The following CUBN variants were observed in gnomAD, a reference collection of about 807,000 sequenced individuals.
CUBN encodes the protein cubilin.
In CUBN, 282 loss-of-function variants were observed where a neutral mutation model predicts 405.3. The observed-to-expected ratio is 0.70, with a 90% confidence interval of 0.63 to 0.77. The LOEUF is 0.77. CUBN is among the 30% of genes least tolerant of loss of function. CUBN has a pLI of 0.00. For synonymous variants in CUBN, 1,684 were observed against 1,617.0 expected (o/e 1.04, Z -0.99); for missense variants, 4,514 against 4,475.2 (o/e 1.01, Z -0.25).
At chr10:17,063,221 T>C (rs1219527441) in intron 22 of CUBN, among the ~76,000 whole-genome samples, 3 of 152,170 alleles carry the variant, frequency 2.0e-5, no homozygotes, top group Non-Finnish European at 4.4e-5. Flanking sequence ...ACAGAAGGTG[T>C]GTTGTGTCTT....
Position 17,107,874 on chromosome 10 carries a change from C to A in CUBN, c.1111+1766G>T, listed in dbSNP as rs372458236. Among the ~76,000 whole-genome samples the A allele has an allele frequency of 3.9e-5, 6 of 152,166 alleles. No homozygotes were observed. In the East Asian group the frequency reaches 7.7e-4, roughly 20 times the overall value. On this transcript the variant is annotated intron_variant, in intron 10 of 66. Transcript: ENST00000377833. ...TCAATATTAAAAAACACAAATATTT[C>A]TTTTAAATAAATAATTGCCTAGAAA...
intron 22 of CUBN, among the ~76,000 whole-genome samples, chr10:17,055,227 G>A (rs1018028241): frequency 6.6e-6 from 1 of 151,994 alleles, no homozygotes; most frequent in Non-Finnish European, 1.5e-5. Flanking sequence ...CACCTATCCA[G>A]GATAAAAACT....
intron 49 of CUBN, 104 bp from the exon 50 acceptor site, chr10:16,906,513 T>C: frequency 1.2e-6 from 1 of 842,382 alleles, no homozygotes; most frequent in Non-Finnish European, 2.0e-6. Flanking sequence ...CATTACTGCT[T>C]TGATTTGTTT....
chr10:17,047,867 C>T (rs1251734689), intron 22 of CUBN, among the ~76,000 whole-genome samples: 4 of 151,992 alleles, frequency 2.6e-5, no homozygotes, highest in African/African-American at 4.8e-5. Flanking sequence ...GAAAGTGTTA[C>T]GTTTTTCTAA....
intron 54 of CUBN, among the ~76,000 whole-genome samples, chr10:16,898,576 AC>A (rs1841262636): frequency 1.3e-5 from 2 of 152,234 alleles, no homozygotes. Flanking sequence ...CCACTGCCAC[AC>A]GAGCAGCATT....
In CUBN at chr10:16,906,215, C is replaced by A; in HGVS notation, c.7900G>T (p.Glu2634Ter). The part of the protein sequence containing the change: ...SHQDCQFDVL[E>*]FRVGDADGPL... ...AGATAGAACTCACCCACTCGAAACT[C>A]GAGGACATCAAATTGACAGTCTTGG... is the stretch of plus-strand genomic sequence containing the variant. The change falls in exon 50 of 67, where the codon GAG becomes TAG. Residue 2634 changes from glutamate to a stop codon, truncating the protein, a stop_gained. Transcript: ENST00000377833. LOFTEE classifies it high-confidence loss of function. The A allele has an allele frequency of 1.2e-6, 2 of 1,612,664 alleles. No homozygotes were observed. Among genetic ancestry groups the A allele is most frequent in the South Asian group, 2.2e-5 (2 of 91,058 alleles).
chr10:16,853,078 T>C (rs2131341660), intron 59 of CUBN, among the ~76,000 whole-genome samples: 1 of 152,272 alleles, frequency 6.6e-6, no homozygotes, highest in East Asian at 1.9e-4. Context: ...CGGTCTACCA[T>C]AAAAGAATAC....
At chr10:16,851,197 G>T in intron 60 of CUBN, 38 bp downstream of exon 60, 1 of 1,480,388 alleles carries the variant, frequency 6.8e-7, no homozygotes, top group African/African-American at 1.4e-5. Context: ...TAGAGTCTGG[G>T]ATGAATAGAC....
chr10:17,076,198 G>A (rs1835850480), intron 17 of CUBN, among the ~76,000 whole-genome samples: 1 of 152,122 alleles, frequency 6.6e-6, no homozygotes, highest in Non-Finnish European at 1.5e-5. Context: ...AAAGGCAGCT[G>A]TAGTCCAAAT....
intron 56 of CUBN, 121 bp downstream of exon 56, chr10:16,888,295 AT>A: frequency 1.2e-5 from 9 of 780,710 alleles, no homozygotes; most frequent in Non-Finnish European, 1.9e-5. Flanking sequence ...GTGAGCAGAC[AT>A]GTTAATTAAC....
Position 16,933,025 on chromosome 10 carries a change from T to A in CUBN, c.6124+62A>T, listed in dbSNP as rs61687032. On this transcript the variant is annotated intron_variant, in intron 40 of 66. Transcript: ENST00000377833. ...TGGAGGCAGTATGCAAGTCTGATGA[T>A]AATGGACTAGAACTAATTATGTGTC... The A allele has an allele frequency of 0.012, 17,958 of 1,538,734 alleles. 1,553 individuals carry two copies. The African/African-American group carries it at 0.2, about 17-fold the overall frequency.
chr10:16,914,122 G>A lies in CUBN; in HGVS notation c.7352-130C>T. ...AAAATTAGTCTCCATATTTATTTAT[G>A]TGCATGAGGATTTTAGTGAACATAT... is the stretch of plus-strand genomic sequence containing the variant. On this transcript the variant is annotated intron_variant, in intron 47 of 66. Coordinates refer to ENST00000377833, the MANE Select transcript of CUBN (RefSeq NM_001081.4). 3 of 971,338 alleles carry A rather than the reference G, an allele frequency of 3.1e-6. No individual in the cohort carries two copies. In the South Asian group the frequency reaches 4.2e-5, roughly 14 times the overall value. The allele number at this position is 971,338 out of a possible 1,614,324, so 60.2% of individuals were successfully genotyped here.
At chr10:17,026,280 T>C (rs1238956185) in intron 27 of CUBN, among the ~76,000 whole-genome samples, 1 of 152,178 alleles carries the variant, frequency 6.6e-6, no homozygotes. Flanking sequence ...CAAGTTCAGG[T>C]TACTTTAAAT....
intron 31 of CUBN, among the ~76,000 whole-genome samples, chr10:16,962,537 C>T (rs1034081643): frequency 7.9e-5 from 12 of 152,012 alleles, no homozygotes; most frequent in Non-Finnish European, 1.0e-4. Context: ...TCCTCCCTGG[C>T]GTATGGGATA....
At chr10:16,971,439 C>G (rs548242581) in intron 31 of CUBN, among the ~76,000 whole-genome samples, 1 of 152,302 alleles carries the variant, frequency 6.6e-6, no homozygotes, top group East Asian at 1.9e-4. Flanking sequence ...ACCTCCTGTC[C>G]CCTTAAGTGG....
rs749266718 is a variant in CUBN at position 16,851,410 on chromosome 10, C to T, written c.9488G>A (p.Gly3163Asp). The change falls in exon 60 of 67, where the codon GGC becomes GAC. Residue 3163 changes from glycine to aspartate, a missense_variant. By Grantham distance (94) the Gly-to-Asp change is moderately conservative. Transcript: ENST00000377833. ...AGGAGAGGCAAAGGTATTATTCGAGCCTGTCAGATAACCACCACATCCTTG... is the reference window on the plus strand; with the variant it reads ...AGGAGAGGCAAAGGTATTATTCGAGTCTGTCAGATAACCACCACATCCTTG... Reference protein sequence around the residue: ...PQQGCGGYLTGSNNTFASPDS... With the variant: ...PQQGCGGYLTDSNNTFASPDS... The T allele has an allele frequency of 1.2e-6, 2 of 1,614,080 alleles. No individual in the cohort carries two copies. Among genetic ancestry groups the T allele is most frequent in the Non-Finnish European group, 1.7e-6 (2 of 1,180,010 alleles).
rs1773744270 is a variant in CUBN at position 16,874,521 on chromosome 10, G to A, written c.9107-18C>T. The A allele has an allele frequency of 2.5e-6, 4 of 1,613,966 alleles. No individual in the cohort carries two copies. The highest frequency in any genetic ancestry group is 3.3e-4 in the Middle Eastern group (2 of 6,062). Reference sequence around the variant, plus strand: ...ACCACAGGCTGCAACAGAAGACAAGGGAATATGAAGAGAACAACGATTAGT... The same window carrying A: ...ACCACAGGCTGCAACAGAAGACAAGAGAATATGAAGAGAACAACGATTAGT... On this transcript the variant is annotated intron_variant, in intron 57 of 66. Transcript: ENST00000377833.
At chr10:17,042,419 T>A (rs939751630) in intron 26 of CUBN, among the ~76,000 whole-genome samples, 2 of 152,134 alleles carry the variant, frequency 1.3e-5, no homozygotes, top group Admixed American at 6.6e-5. Flanking sequence ...AAATCTCCAA[T>A]TTCCCATGGC....
chr10:16,874,410 G>C lies in CUBN; in HGVS notation c.9200C>G (p.Thr3067Ser), dbSNP rs1354318731. ...CACCTTGTCGTCACTAACGGTGATG[G>C]TATACAGACAGTGCATATCATTTGG... is the stretch of plus-strand genomic sequence containing the variant. ...DYPNDMHCLY[T>S]ITVSDDKVIE... The change falls in exon 58 of 67, where the codon ACC (threonine) becomes AGC (serine). Residue 3067 changes from threonine to serine, a missense_variant. Thr to Ser is a moderately conservative substitution (Grantham distance 58). Around this residue, in one of 5 missense-constraint regions of CUBN, gnomAD observed 1,186 missense variants for 1,186.9 expected, o/e 1.00. Coordinates refer to ENST00000377833, the MANE Select transcript of CUBN (RefSeq NM_001081.4). The C allele has an allele frequency of 6.2e-7, 1 of 1,613,986 alleles. No individual in the cohort carries two copies. Among genetic ancestry groups the C allele is most frequent in the East Asian group, 2.2e-5 (1 of 44,882 alleles).
Sources: gnomAD v4.1 joint callset for allele counts (sites outside exome capture counted in the v4.1 genomes callset) on GRCh38, gnomAD v4.1.1 for gene constraint, gnomAD v4.1.1 regional missense constraint, MANE v1.5 for transcripts, NCBI Gene and HGNC (gene_info 2026-07-23, HGNC 2026-07-21) for gene names.